Variants in BPGM observed in about 807,000 individuals in gnomAD.
BPGM encodes bisphosphoglycerate mutase.
A neutral mutation model predicts 21.6 loss-of-function variants in BPGM; 15 were observed. The ratio of observed to expected loss-of-function variants is 0.70; its 90% CI spans 0.47 to 1.07. The LOEUF (loss-of-function observed/expected upper bound fraction) is 1.07, where lower values mean the gene tolerates loss of function less well. BPGM is among the 50% of genes least tolerant of loss of function. The probability of loss-of-function intolerance (pLI) is 0.00; values close to 1 mark genes in which losing one functional copy is unlikely to be tolerated. For missense variants in BPGM, 273 were observed against 319.0 expected, an observed-to-expected ratio of 0.86 and a Z score of 1.10; for synonymous variants, 113 against 116.2, an observed-to-expected ratio of 0.97 and a Z score of 0.18.
intron 1 of BPGM, among the ~76,000 whole-genome samples, chr7:134,655,817 C>T (rs1381540130): frequency 6.6e-6 from 1 of 152,216 alleles, no homozygotes; most frequent in Non-Finnish European, 1.5e-5. Flanking sequence ...CTGAGTGCCT[C>T]ATATGTGCCA....
At position 134,661,695 on chromosome 7, in the gene BPGM, C is replaced by T. The variant is rs913986771; in HGVS notation, c.188C>T (p.Ser63Phe). The change falls in exon 2 of 3, where the codon TCC becomes TTC. Residue 63 changes from serine to phenylalanine, a missense_variant. Ser to Phe is a radical substitution (Grantham distance 155). Transcript: ENST00000344924. This position sits in a 1 kb window ranked among gnomAD's most constrained non-coding sequence, Gnocchi z 4.6. ...GTATTCACATCTGTCCTTAATCGGT[C>T]CATTCACACAGCCTGGCTGATCCTG... is the stretch of plus-strand genomic sequence containing the variant. The part of the protein sequence containing the change: ...DLVFTSVLNR[S>F]IHTAWLILEE... 7 of 1,614,112 alleles carry T rather than the reference C, an allele frequency of 4.3e-6. No homozygotes were observed. The highest frequency in any genetic ancestry group is 5.1e-6 in the Non-Finnish European group (6 of 1,180,022).
chr7:134,648,687 A>T (rs1161544623), intron 1 of BPGM, among the ~76,000 whole-genome samples: 2 of 149,756 alleles, frequency 1.3e-5, no homozygotes, highest in African/African-American at 2.4e-5. Context: ...TAATTTTTGC[A>T]TTTTTTTTTT....
chr7:134,648,284 C>T (rs1445585035), intron 1 of BPGM, among the ~76,000 whole-genome samples: 3 of 151,194 alleles, frequency 2.0e-5, no homozygotes, highest in African/African-American at 7.3e-5. Flanking sequence ...TACAGGCATG[C>T]GCCCCCACGC....
rs1795729213 is a variant in BPGM at position 134,661,485 on chromosome 7, G to A, written c.-23G>A. On this transcript the variant is annotated 5_prime_UTR_variant, in exon 2 of 3. Coordinates refer to ENST00000344924, the MANE Select transcript of BPGM (RefSeq NM_001724.5). The surrounding 1 kb of genome is among the most constrained non-coding windows in gnomAD (Gnocchi z 4.6). ...CTTGAATATTAGCCCATTTGAAAAC[G>A]CCTGGGAAGTTCAGCCATCAGTATG... is the stretch of plus-strand genomic sequence containing the variant. 1.9e-6 allele frequency: 3 copies of A among 1,613,764 alleles called. No homozygotes were observed. The highest frequency in any genetic ancestry group is 2.2e-5 in the East Asian group (1 of 44,898).
At chr7:134,652,310 C>A (rs1051913584) in intron 1 of BPGM, among the ~76,000 whole-genome samples, 3 of 151,964 alleles carry the variant, frequency 2.0e-5, no homozygotes, top group African/African-American at 7.3e-5. Flanking sequence ...CTGGCCTATA[C>A]CGTTTTTTAA....
At chr7:134,648,961 T>C (rs1795513067) in intron 1 of BPGM, among the ~76,000 whole-genome samples, 2 of 152,366 alleles carry the variant, frequency 1.3e-5, no homozygotes, top group Admixed American at 1.3e-4. Context: ...AGTTCCCAGC[T>C]TCAAGGATAT....
At chr7:134,665,956 C>A (rs1036718686) in intron 2 of BPGM, among the ~76,000 whole-genome samples, 1 of 152,084 alleles carries the variant, frequency 6.6e-6, no homozygotes, top group Non-Finnish European at 1.5e-5. Flanking sequence ...TGGCCCACTG[C>A]AACCTTCGCC....
At chr7:134,663,628 C>T (rs1257154228) in intron 2 of BPGM, among the ~76,000 whole-genome samples, 2 of 152,162 alleles carry the variant, frequency 1.3e-5, no homozygotes, top group African/African-American at 2.4e-5. Context: ...TCTATTCAAC[C>T]GTGCCAACTC....
At chr7:134,662,227 C>G in intron 2 of BPGM, 119 bp downstream of exon 2, 1 of 1,360,196 alleles carries the variant, frequency 7.4e-7, no homozygotes, top group Non-Finnish European at 1.0e-6. Flanking sequence ...CCCTTTGTCA[C>G]TTCAGATTTA....
intron 2 of BPGM, among the ~76,000 whole-genome samples, chr7:134,673,981 C>T (rs1378218848): frequency 2.0e-5 from 3 of 147,704 alleles, no homozygotes; most frequent in Non-Finnish European, 3.0e-5. Context: ...GGCACAATCT[C>T]GGTTCACTGC....
chr7:134,650,943 C>G (rs1795546655), intron 1 of BPGM, among the ~76,000 whole-genome samples: 1 of 152,138 alleles, frequency 6.6e-6, no homozygotes, highest in Non-Finnish European at 1.5e-5. Flanking sequence ...CATTAAAAGC[C>G]TTAAGGAACT....
chr7:134,679,002 C>G lies in BPGM; in HGVS notation c.751C>G (p.Gln251Glu), dbSNP rs1796024081. The change falls in exon 3 of 3, where the codon CAA becomes GAA. Residue 251 changes from glutamine (Q) to glutamate (E), a missense_variant. By Grantham distance (29) the Gln-to-Glu change is conservative (BLOSUM62 2). Transcript: ENST00000344924. Reference sequence around the variant, plus strand: ...AGCAGCCATTAAGAAAGTAGAAGATCAAGGAAAAGTGAAACAAGCTAAAAA... The same window carrying G: ...AGCAGCCATTAAGAAAGTAGAAGATGAAGGAAAAGTGAAACAAGCTAAAAA... ...IQAAIKKVED[Q>E]GKVKQAKK 1 of 1,614,066 alleles carries G rather than the reference C, an allele frequency of 6.2e-7. No individual in the cohort carries two copies. Among genetic ancestry groups the G allele is most frequent in the East Asian group, 2.2e-5 (1 of 44,880 alleles).
At chr7:134,673,198 T>C (rs1385870752) in intron 2 of BPGM, among the ~76,000 whole-genome samples, 1 of 152,048 alleles carries the variant, frequency 6.6e-6, no homozygotes, top group Non-Finnish European at 1.5e-5. Flanking sequence ...AATAATAAAA[T>C]AAAATAAAAC....
chr7:134,656,791 C>T (rs1039821991), intron 1 of BPGM, among the ~76,000 whole-genome samples: 4 of 152,178 alleles, frequency 2.6e-5, no homozygotes, highest in African/African-American at 9.7e-5. Context: ...AATCTCATGT[C>T]CTCTCATTTC....
chr7:134,654,024 A>G (rs1795596963), intron 1 of BPGM, among the ~76,000 whole-genome samples: 1 of 152,160 alleles, frequency 6.6e-6, no homozygotes, highest in Non-Finnish European at 1.5e-5. Context: ...AGCTTAAAAA[A>G]TACTGTGTCC....
intron 2 of BPGM, among the ~76,000 whole-genome samples, chr7:134,669,927 C>A (rs1795878359): frequency 6.6e-6 from 1 of 152,102 alleles, no homozygotes; most frequent in African/African-American, 2.4e-5. Flanking sequence ...TCACAAAGCA[C>A]CACCGTGAAA....
intron 1 of BPGM, among the ~76,000 whole-genome samples, chr7:134,650,879 C>T: frequency 6.6e-6 from 1 of 152,206 alleles, no homozygotes; most frequent in Non-Finnish European, 1.5e-5. Context: ...GAGCCGAGAT[C>T]ACGCCACTGC....
At chr7:134,654,918 G>A (rs767716218) in intron 1 of BPGM, among the ~76,000 whole-genome samples, 1 of 152,168 alleles carries the variant, frequency 6.6e-6, no homozygotes, top group Non-Finnish European at 1.5e-5. Flanking sequence ...AAGAGGAAGG[G>A]GAGGGAGGAT....
intron 1 of BPGM, among the ~76,000 whole-genome samples, chr7:134,648,213 G>A (rs561576198): frequency 6.7e-6 from 1 of 149,056 alleles, no homozygotes; most frequent in Non-Finnish European, 1.5e-5. Flanking sequence ...TTGGCTCACC[G>A]CAACCTCCGC....
Sources: allele counts gnomAD v4.1 joint callset (sites outside exome capture counted in the v4.1 genomes callset), GRCh38; gene constraint gnomAD v4.1.1; non-coding constraint Gnocchi (gnomAD v3.1); transcripts MANE v1.5; gene names NCBI Gene and HGNC (gene_info 2026-07-23, HGNC 2026-07-21).